The following PLCB4 variants were observed in gnomAD, a reference collection of about 807,000 sequenced individuals.
The protein encoded by PLCB4 is phospholipase C beta 4, also known as 1-phosphatidylinositol 4,5-bisphosphate phosphodiesterase beta-4.
PLCB4 carries 77 observed loss-of-function variants against 178.8 expected under a neutral mutation model. The observed-to-expected ratio is 0.43, with a 90% CI of 0.36 to 0.52. The LOEUF is 0.52. PLCB4 is among the 20% of genes least tolerant of loss of function. The pLI, the probability that PLCB4 is intolerant of heterozygous loss-of-function variation, is 0.00. For synonymous variants in PLCB4, 496 were observed against 490.8 expected (o/e 1.01, Z -0.14); for missense variants, 1,024 against 1,453.4 (o/e 0.70, Z 4.80).
chr20:9,459,346 A>G (rs2043247067), intron 34 of PLCB4, among the ~76,000 whole-genome samples: 1 of 149,012 alleles, frequency 6.7e-6, no homozygotes, highest in Non-Finnish European at 1.5e-5. Context: ...TCTATCTAAA[A>G]AAACAAAACA....
chr20:9,325,779 C>T (rs2030416500), intron 4 of PLCB4, among the ~76,000 whole-genome samples: 1 of 152,210 alleles, frequency 6.6e-6, no homozygotes, highest in African/African-American at 2.4e-5. Flanking sequence ...CCCCCAGATT[C>T]AATCATAGTT....
At chr20:9,427,247 A>C (rs912917687) in intron 28 of PLCB4, among the ~76,000 whole-genome samples, 2 of 152,022 alleles carry the variant, frequency 1.3e-5, no homozygotes, top group African/African-American at 4.8e-5. Flanking sequence ...CAACAACAAA[A>C]TAACTCCCAA....
At chr20:9,362,341 T>C (rs1267812120) in intron 7 of PLCB4, among the ~76,000 whole-genome samples, 4 of 152,194 alleles carry the variant, frequency 2.6e-5, no homozygotes, top group African/African-American at 9.7e-5. Flanking sequence ...GTCCAAGTCC[T>C]TATACAGAAA....
At chr20:9,201,643 C>T (rs982860061) in intron 2 of PLCB4, among the ~76,000 whole-genome samples, 3 of 152,046 alleles carry the variant, frequency 2.0e-5, no homozygotes, top group African/African-American at 7.2e-5. Context: ...TAACATTTGA[C>T]AGATTGCAAA....
chr20:9,151,079 T>C (rs1237525553), intron 2 of PLCB4, among the ~76,000 whole-genome samples: 1 of 152,098 alleles, frequency 6.6e-6, no homozygotes, highest in Non-Finnish European at 1.5e-5. Context: ...TCTGCATCCA[T>C]GGATTCAACT....
At chr20:9,349,388 T>C (rs2034125047) in intron 7 of PLCB4, among the ~76,000 whole-genome samples, 1 of 152,218 alleles carries the variant, frequency 6.6e-6, no homozygotes, top group Admixed American at 6.5e-5. Context: ...CTCATGCTGT[T>C]TAATATACTG....
chr20:9,274,588 G>A (rs1329779884), intron 3 of PLCB4, among the ~76,000 whole-genome samples: 2 of 151,986 alleles, frequency 1.3e-5, no homozygotes, highest in Non-Finnish European at 2.9e-5. Context: ...TTTTTATAAT[G>A]GCAAATTCTA....
chr20:9,303,338 C>G (rs1361959178), intron 3 of PLCB4, among the ~76,000 whole-genome samples: 1 of 152,204 alleles, frequency 6.6e-6, no homozygotes, highest in East Asian at 1.9e-4. Flanking sequence ...ATCAACTCCA[C>G]ATTCCCCCTA....
intron 30 of PLCB4, among the ~76,000 whole-genome samples, chr20:9,439,845 C>T (rs964115424): frequency 6.6e-6 from 1 of 152,192 alleles, no homozygotes; most frequent in African/African-American, 2.4e-5. Flanking sequence ...AGTTATGACA[C>T]TGTAACAGTT....
chr20:9,130,945 C>T (rs1174823850), intron 2 of PLCB4, among the ~76,000 whole-genome samples: 3 of 152,094 alleles, frequency 2.0e-5, no homozygotes, highest in Admixed American at 6.5e-5. Flanking sequence ...GGAGAGTTTC[C>T]TGGGAAAACA....
At chr20:9,190,656 A>G (rs956635451) in intron 2 of PLCB4, among the ~76,000 whole-genome samples, 1 of 152,212 alleles carries the variant, frequency 6.6e-6, no homozygotes, top group Non-Finnish European at 1.5e-5. Context: ...GACCAGGTAT[A>G]AAGAAGGAGT....
intron 7 of PLCB4, among the ~76,000 whole-genome samples, chr20:9,344,974 T>C (rs1601978709): frequency 6.6e-6 from 1 of 152,140 alleles, no homozygotes; most frequent in Admixed American, 6.5e-5. Context: ...GCGAGTCTTA[T>C]ACATCATAAA....
At chr20:9,237,258 G>A (rs183328260) in intron 3 of PLCB4, among the ~76,000 whole-genome samples, 2 of 152,234 alleles carry the variant, frequency 1.3e-5, no homozygotes, top group East Asian at 3.9e-4. Context: ...GCATACGTAT[G>A]TTTAAACGAC....
At chr20:9,182,086 C>T (rs376603894) in intron 2 of PLCB4, among the ~76,000 whole-genome samples, 2 of 152,026 alleles carry the variant, frequency 1.3e-5, no homozygotes, top group Non-Finnish European at 2.9e-5. Context: ...TAACCTGGCC[C>T]GTGGAAAATG....
At position 9,338,022 on chromosome 20, in the gene PLCB4, A is replaced by G; in HGVS notation, c.180A>G (p.Leu60=). 6.2e-7 allele frequency: 1 copy of G among 1,611,506 alleles called. No homozygotes were observed. Among genetic ancestry groups the G allele is most frequent in the Non-Finnish European group, 8.5e-7 (1 of 1,177,804 alleles). ...TCTCTCTTCAGGAAGGACAGGTGCT[A>G]GAATGCTCCCTCATCAACAGTATTC... is the stretch of plus-strand genomic sequence containing the variant. ...WRSEGKEGQV[L]ECSLINSIRS... Residue 60 remains leucine, a synonymous_variant, in exon 6 of 40, where the codon CTA becomes CTG. Coordinates refer to ENST00000378473, the MANE Select transcript of PLCB4 (RefSeq NM_001377142.1).
intron 3 of PLCB4, among the ~76,000 whole-genome samples, chr20:9,253,136 A>G (rs192463338): frequency 6.6e-5 from 10 of 152,264 alleles, no homozygotes; most frequent in Admixed American, 5.2e-4. Context: ...ATCATCTCCA[A>G]TCAGACACAC....
At chr20:9,281,387 A>C (rs1273831787) in intron 3 of PLCB4, among the ~76,000 whole-genome samples, 1 of 152,048 alleles carries the variant, frequency 6.6e-6, no homozygotes, top group Non-Finnish European at 1.5e-5. Flanking sequence ...TATGCATGTA[A>C]AATAAAATTT....
chr20:9,339,776 A>C (rs558679143), intron 7 of PLCB4, among the ~76,000 whole-genome samples: 34 of 151,838 alleles, frequency 2.2e-4, no homozygotes, highest in Admixed American at 5.3e-4. Context: ...AGAAATCCAA[A>C]CCCCCCCTCC....
intron 2 of PLCB4, among the ~76,000 whole-genome samples, chr20:9,214,759 T>A (rs2093710996): frequency 1.3e-5 from 2 of 152,234 alleles, no homozygotes; most frequent in Non-Finnish European, 2.9e-5. Flanking sequence ...ATAGTTTGGC[T>A]ATGATATGCC....
Sources: gnomAD v4.1 joint callset for allele counts (sites outside exome capture counted in the v4.1 genomes callset) on GRCh38, gnomAD v4.1.1 for gene constraint, MANE v1.5 for transcripts, NCBI Gene and HGNC (gene_info 2026-07-23, HGNC 2026-07-21) for gene names.